The following NLGN4Y variants were observed in gnomAD, a reference collection of about 807,000 sequenced individuals.
The protein encoded by NLGN4Y is neuroligin 4 Y-linked, also known as neuroligin-4, Y-linked.
Under a neutral mutation model 8.4 loss-of-function variants are expected in NLGN4Y, and 4 were observed. The ratio of observed to expected loss-of-function variants is 0.48; its 90% CI spans 0.23 to 1.09. The LOEUF (loss-of-function observed/expected upper bound fraction) is 1.09. NLGN4Y is among the 50% of genes least tolerant of loss of function. The probability of loss-of-function intolerance (pLI) is 0.19; values close to 1 mark genes in which losing one functional copy is unlikely to be tolerated. For synonymous variants in NLGN4Y, 35 were observed against 75.6 expected, an observed-to-expected ratio of 0.46 and a Z score of 2.78; for missense variants, 90 against 192.3, an observed-to-expected ratio of 0.47 and a Z score of 3.15.
chrY:14,820,322 C>G, intron 4 of NLGN4Y, among the ~76,000 whole-genome samples: 1 of 32,928 alleles, frequency 3.0e-5, no homozygotes, highest in East Asian at 8.0e-4. Context: ...GGGACCTTAT[C>G]CTTGTCCTAT....
intron 1 of NLGN4Y, among the ~76,000 whole-genome samples, chrY:14,552,459 G>A (rs2080196563): frequency 5.9e-5 from 2 of 33,662 alleles, no homozygotes; most frequent in East Asian, 1.6e-3. Flanking sequence ...CCACAACCTG[G>A]CAGAGACACA....
intron 2 of NLGN4Y, among the ~76,000 whole-genome samples, chrY:14,695,411 C>T: frequency 9.1e-5 from 3 of 32,846 alleles, no homozygotes; most frequent in Admixed American, 2.8e-4. Context: ...TGGAGATGGC[C>T]GATACGTTGT....
chrY:14,757,025 C>A (rs2081062990), intron 4 of NLGN4Y, among the ~76,000 whole-genome samples: 1 of 27,013 alleles, frequency 3.7e-5, no homozygotes, highest in Admixed American at 3.8e-4. Flanking sequence ...ATTCCTTGAT[C>A]ACCTTGAAAT....
At position 14,817,346 on chromosome Y, in the gene NLGN4Y, G is replaced by A. The variant is rs2043105984; in HGVS notation, c.686-6842G>A. Reference sequence around the variant, plus strand: ...TATAGAGTGGCCTGGCCATCTCGCCGTATCCAGGGATCCATAGTTGGCAAA... The same window carrying A: ...TATAGAGTGGCCTGGCCATCTCGCCATATCCAGGGATCCATAGTTGGCAAA... On this transcript the variant is annotated intron_variant, in intron 4 of 6. Coordinates refer to ENST00000684976, the MANE Select transcript of NLGN4Y (RefSeq NM_001365588.1). Among the ~76,000 whole-genome samples the A allele has an allele frequency of 2.4e-4, 8 of 33,207 alleles. No homozygotes were observed. In the South Asian group the frequency reaches 4.1e-3, roughly 17 times the overall value. The allele number at this position is 33,207 out of a possible 37,273, so 89.1% of individuals were successfully genotyped here. A position where few individuals can be genotyped will look rare whatever the true frequency, so the allele number is the denominator to read the frequency against.
intron 2 of NLGN4Y, among the ~76,000 whole-genome samples, chrY:14,679,387 A>G (rs2080760974): frequency 3.1e-5 from 1 of 32,441 alleles, no homozygotes; most frequent in African/African-American, 1.2e-4. Context: ...GCTTGAGCCT[A>G]GGAGTTTGAG....
At chrY:14,526,872 T>C (rs2080095895) in intron 1 of NLGN4Y, among the ~76,000 whole-genome samples, 4 of 33,032 alleles carry the variant, frequency 1.2e-4, no homozygotes, top group Non-Finnish European at 3.0e-4. Flanking sequence ...ACAAGCAGAC[T>C]TGAAGGAATT....
chrY:14,753,964 T>C, intron 4 of NLGN4Y, among the ~76,000 whole-genome samples: 1 of 33,299 alleles, frequency 3.0e-5, no homozygotes, highest in African/African-American at 1.2e-4. Context: ...TCCTTTCTTT[T>C]GTTTCTTTGT....
chrY:14,561,850 T>C (rs769214917), intron 1 of NLGN4Y, among the ~76,000 whole-genome samples: 8 of 34,166 alleles, frequency 2.3e-4, no homozygotes, highest in African/African-American at 9.1e-4. Context: ...CATATGTCTG[T>C]TGGCTACATA....
intron 2 of NLGN4Y, among the ~76,000 whole-genome samples, chrY:14,709,570 G>A (rs2080893823): frequency 1.2e-4 from 4 of 33,101 alleles, no homozygotes; most frequent in South Asian, 6.8e-4. Context: ...AAAATTAGCC[G>A]GGAATGGTGG....
At chrY:14,817,114 G>A (rs1417333623) in intron 4 of NLGN4Y, among the ~76,000 whole-genome samples, 2 of 33,611 alleles carry the variant, frequency 6.0e-5, no homozygotes, top group African/African-American at 2.3e-4. Context: ...TATGCTGCTG[G>A]TTGTGGGGAC....
intron 1 of NLGN4Y, among the ~76,000 whole-genome samples, chrY:14,615,726 G>A (rs1021793301): frequency 6.0e-5 from 2 of 33,068 alleles, no homozygotes. Context: ...TTTTGACATC[G>A]GTTCTGTTTA....
intron 4 of NLGN4Y, among the ~76,000 whole-genome samples, chrY:14,806,469 G>A: frequency 3.2e-5 from 1 of 31,729 alleles, no homozygotes; most frequent in Non-Finnish European, 7.6e-5. Flanking sequence ...CTTTGTTGAA[G>A]CCTATAAAAG....
chrY:14,560,598 G>A (rs2080224220), intron 1 of NLGN4Y, among the ~76,000 whole-genome samples: 2 of 33,308 alleles, frequency 6.0e-5, no homozygotes, highest in Non-Finnish European at 1.5e-4. Flanking sequence ...ACAGGACAAC[G>A]CAGACTTACT....
chrY:14,653,042 A>G, intron 2 of NLGN4Y, among the ~76,000 whole-genome samples: 1 of 32,571 alleles, frequency 3.1e-5, no homozygotes, highest in Non-Finnish European at 7.5e-5. Context: ...AGATATGTGT[A>G]TATATATATA....
chrY:14,554,199 ATTTTTT>A (rs1569355926), intron 1 of NLGN4Y, among the ~76,000 whole-genome samples: 1 of 7,786 alleles, frequency 1.3e-4, no homozygotes, highest in African/African-American at 6.2e-4. Flanking sequence ...TTTTTCCTCT[ATTTTTT>A]TTTTTTTTTT....
intron 2 of NLGN4Y, among the ~76,000 whole-genome samples, chrY:14,658,628 T>C (rs1021363264): frequency 6.0e-5 from 2 of 33,199 alleles, no homozygotes; most frequent in Admixed American, 5.5e-4. Flanking sequence ...CTTGACTTTG[T>C]GGGCTCAAGT....
At chrY:14,749,638 C>G (rs2150565701) in intron 4 of NLGN4Y, among the ~76,000 whole-genome samples, 1 of 33,269 alleles carries the variant, frequency 3.0e-5, no homozygotes, top group South Asian at 6.6e-4. Context: ...ATTGTGTAGT[C>G]TCTCCTTTTA....
rs962004103 is a variant in NLGN4Y, at chrY:14,551,613, C to G, written c.-112+26905C>G. On this transcript the variant is annotated intron_variant, in intron 1 of 6. Coordinates refer to ENST00000684976, the MANE Select transcript of NLGN4Y (RefSeq NM_001365588.1). ...GACACACGTGTGATCAAATTAGACTCAAGATTAAGAAACTTACTCAAAACT... is the reference window on the plus strand; with the variant it reads ...GACACACGTGTGATCAAATTAGACTGAAGATTAAGAAACTTACTCAAAACT... 9.5e-4 allele frequency among the ~76,000 whole-genome samples: 32 copies of G among 33,560 alleles called. No homozygotes were observed. In the East Asian group the frequency reaches 0.013, roughly 14 times the overall value. 90.0% of individuals were successfully genotyped at this position (33,560 alleles called of 37,273 possible).
At chrY:14,544,748 G>A (rs1603499163) in intron 1 of NLGN4Y, among the ~76,000 whole-genome samples, 7 of 31,368 alleles carry the variant, frequency 2.2e-4, no homozygotes, top group African/African-American at 3.7e-4. Flanking sequence ...GGTTAAAACC[G>A]CAAACATTTT....
Sources: allele counts gnomAD v4.1 joint callset (sites outside exome capture counted in the v4.1 genomes callset), GRCh38; gene constraint gnomAD v4.1.1; transcripts MANE v1.5; gene names NCBI Gene and HGNC (gene_info 2026-07-23, HGNC 2026-07-21).